OCA2: variants seen among roughly 807,000 people sequenced by gnomAD.
OCA2 encodes P protein.
Under a neutral mutation model 100.2 loss-of-function variants are expected in OCA2, and 77 were observed. The ratio of observed to expected loss-of-function variants is 0.77; its 90% confidence interval spans 0.64 to 0.93. OCA2 has a LOEUF of 0.93. OCA2 is among the 40% of genes least tolerant of loss of function. The probability of loss-of-function intolerance (pLI) is 0.00; values close to 1 mark genes in which losing one functional copy is unlikely to be tolerated. For missense variants in OCA2, 1,062 were observed against 1,089.1 expected (o/e 0.98, Z 0.35); for synonymous variants, 432 against 439.2 (o/e 0.98, Z 0.21).
chr15:28,015,578 C>T (rs925576548), intron 8 of OCA2, among the ~76,000 whole-genome samples: 1 of 152,130 alleles, frequency 6.6e-6, no homozygotes, highest in African/African-American at 2.4e-5. Flanking sequence ...GATGAGAAGA[C>T]AGGCACAGAG....
At chr15:27,946,800 T>G (rs566330154) in intron 18 of OCA2, among the ~76,000 whole-genome samples, 58 of 152,242 alleles carry the variant, frequency 3.8e-4, no homozygotes, top group Non-Finnish European at 7.8e-4. Context: ...AATCCTTTTC[T>G]GCAAAGCCAG....
At chr15:28,005,810 T>C (rs938932540) in intron 9 of OCA2, among the ~76,000 whole-genome samples, 15 of 152,144 alleles carry the variant, frequency 9.9e-5, no homozygotes, top group African/African-American at 3.6e-4. Context: ...ATCTTGGAAG[T>C]GGTCATTTAA....
chr15:27,939,293 A>G (rs919100623), intron 18 of OCA2, among the ~76,000 whole-genome samples: 7 of 152,232 alleles, frequency 4.6e-5, no homozygotes, highest in Non-Finnish European at 8.8e-5. Flanking sequence ...AATTAATTGA[A>G]ATGTTGGCCA....
chr15:27,879,634 T>C (rs138711349), intron 19 of OCA2, among the ~76,000 whole-genome samples: 6,010 of 152,234 alleles, frequency 0.039, 405 homozygotes, highest in African/African-American at 0.13. Context: ...AGTTTGTTGG[T>C]TGCATAAATG....
chr15:27,851,250 T>C, intron 22 of OCA2, 132 bp downstream of exon 22: 2 of 793,352 alleles, frequency 2.5e-6, no homozygotes, highest in Admixed American at 2.0e-5. Context: ...AAGCTGAATA[T>C]GTGTGTCCAC....
At chr15:27,780,973 T>C (rs2032509962) in intron 23 of OCA2, among the ~76,000 whole-genome samples, 1 of 152,260 alleles carries the variant, frequency 6.6e-6, no homozygotes, top group East Asian at 1.9e-4. Context: ...TAAAAGTACC[T>C]TGTCTGTTTC....
intron 23 of OCA2, among the ~76,000 whole-genome samples, chr15:27,842,634 C>T (rs78544415): frequency 0.028 from 4,280 of 152,228 alleles, 65 homozygotes; most frequent in Non-Finnish European, 0.032. Flanking sequence ...AGAACTGGAA[C>T]CAGGCAAAAA....
At chr15:27,830,819 G>A (rs1371077426) in intron 23 of OCA2, among the ~76,000 whole-genome samples, 1 of 152,172 alleles carries the variant, frequency 6.6e-6, no homozygotes, top group African/African-American at 2.4e-5. Context: ...TGGAAGACTG[G>A]TTAACAATCT....
chr15:28,039,161 G>GCAAACA (rs10526381), intron 2 of OCA2, among the ~76,000 whole-genome samples: 55,293 of 151,426 alleles, frequency 0.37, 16,389 homozygotes, highest in East Asian at 0.88. Context: ...AATATATGAT[G>GCAAACA]CTGACAAAAC....
At chr15:27,758,872 G>A (rs192556454) in intron 23 of OCA2, among the ~76,000 whole-genome samples, 11 of 152,202 alleles carry the variant, frequency 7.2e-5, no homozygotes, top group African/African-American at 2.2e-4. Context: ...TTGTATCATC[G>A]GAGAAAGAGG....
chr15:27,727,459 A>C, the OCA2 span, among the ~76,000 whole-genome samples: 6 of 152,338 alleles, frequency 3.9e-5, no homozygotes, highest in South Asian at 1.2e-3. Flanking sequence ...AGGGATTGCC[A>C]TGGAGTGGGA....
intron 9 of OCA2, among the ~76,000 whole-genome samples, chr15:27,997,119 GGAAGGAAGGAA>G (rs1261016544): frequency 4.0e-5 from 3 of 75,214 alleles, no homozygotes; most frequent in Admixed American, 3.7e-4. Flanking sequence ...AAGAAAGGAA[GGAAGGAAGGAA>G]GAAGGAAGGA....
chr15:27,900,433 G>A (rs756314172), intron 19 of OCA2, among the ~76,000 whole-genome samples: 5 of 152,086 alleles, frequency 3.3e-5, no homozygotes, highest in East Asian at 1.9e-4. Flanking sequence ...TGAGCGGCCC[G>A]TCCTGAATTT....
chr15:27,821,649 CACAG>C (rs919132516), intron 23 of OCA2, among the ~76,000 whole-genome samples: 30 of 109,994 alleles, frequency 2.7e-4, no homozygotes, highest in African/African-American at 9.2e-4. Context: ...CAAGTGTGCA[CACAG>C]ACACAGGCTC....
chr15:27,885,605 C>T (rs1366427927), intron 19 of OCA2, among the ~76,000 whole-genome samples: 6 of 152,244 alleles, frequency 3.9e-5, no homozygotes, highest in Non-Finnish European at 8.8e-5. Flanking sequence ...AACCACTCTC[C>T]TCACAGAACC....
At chr15:27,821,690 A>G (rs1181710132) in intron 23 of OCA2, among the ~76,000 whole-genome samples, 1 of 152,142 alleles carries the variant, frequency 6.6e-6, no homozygotes, top group Non-Finnish European at 1.5e-5. Flanking sequence ...TCACCCACAC[A>G]TGCACACATA....
At chr15:28,042,364 C>G (rs895092220) in intron 2 of OCA2, among the ~76,000 whole-genome samples, 1 of 151,786 alleles carries the variant, frequency 6.6e-6, no homozygotes, top group Non-Finnish European at 1.5e-5. Flanking sequence ...CGGTGGCTCA[C>G]GCCTGTAATC....
rs1019388795 is a variant in OCA2 at position 27,755,307 on chromosome 15, G to C, written c.*81C>G. On this transcript the variant is annotated 3_prime_UTR_variant, in exon 24 of 24. Transcript: ENST00000354638. ...GTAAGCACCTTTTCTTCTTCAAACA[G>C]TGGGGTCAGGGTAGTTTTATGACTA... 2.6e-5 allele frequency: 26 copies of C among 1,014,984 alleles called. No individual in the cohort carries two copies. The highest frequency in any genetic ancestry group is 3.9e-5 in the Non-Finnish European group (25 of 639,782). 62.9% of individuals were successfully genotyped at this position (1,014,984 alleles called of 1,614,324 possible).
At chr15:27,794,592 C>T (rs2033243543) in intron 23 of OCA2, among the ~76,000 whole-genome samples, 1 of 152,066 alleles carries the variant, frequency 6.6e-6, no homozygotes, top group Non-Finnish European at 1.5e-5. Flanking sequence ...CTGAATAGTG[C>T]AAGAGGTACC....
Sources: allele counts gnomAD v4.1 joint callset (sites outside exome capture counted in the v4.1 genomes callset), GRCh38; gene constraint gnomAD v4.1.1; transcripts MANE v1.5; gene names NCBI Gene and HGNC (gene_info 2026-07-23, HGNC 2026-07-21).